The following SLC28A3 variants were observed in gnomAD, a reference collection of about 807,000 sequenced individuals.
SLC28A3 encodes solute carrier family 28 member 3, also known as concentrative Na(+)-nucleoside cotransporter 3.
SLC28A3 carries 68 observed loss-of-function variants against 84.2 expected under a neutral mutation model. The observed-to-expected ratio is 0.81, with a 90% CI of 0.66 to 0.99. The LOEUF is 0.99. Ranked by LOEUF, SLC28A3 falls within the 50% of genes least tolerant of loss-of-function variation. The pLI is 0.00. For missense variants in SLC28A3, 712 were observed against 841.5 expected (o/e 0.85, Z 1.90); for synonymous variants, 267 against 303.6 (o/e 0.88, Z 1.25).
chr9:84,368,666 C>T, the SLC28A3 span, among the ~76,000 whole-genome samples: 1 of 152,012 alleles, frequency 6.6e-6, no homozygotes, highest in Admixed American at 6.6e-5. Context: ...ATCCAAGATG[C>T]AAGACAAAGT....
At chr9:84,345,237 CAA>C (rs386415324), upstream of SLC28A3, among the ~76,000 whole-genome samples, 2 of 138,662 alleles carry the variant, frequency 1.4e-5, no homozygotes, top group Admixed American at 7.3e-5. Flanking sequence ...TTACCAAAGG[CAA>C]AAAAAAAAAA....
chr9:84,351,558 C>A, the SLC28A3 span, among the ~76,000 whole-genome samples: 4 of 151,786 alleles, frequency 2.6e-5, no homozygotes, highest in Non-Finnish European at 4.4e-5. Context: ...ACTCAGGAGG[C>A]TGAAGTGAGA....
chr9:84,358,885 C>T, the SLC28A3 span, among the ~76,000 whole-genome samples: 1 of 152,176 alleles, frequency 6.6e-6, no homozygotes, highest in African/African-American at 2.4e-5. Flanking sequence ...TCACTGCAAC[C>T]TCTGCCGCCC....
the SLC28A3 span, among the ~76,000 whole-genome samples, chr9:84,347,881 G>T: frequency 6.6e-6 from 1 of 152,166 alleles, no homozygotes; most frequent in Admixed American, 6.6e-5. Flanking sequence ...CACAAAGGAA[G>T]AAAACTGAAA....
At chr9:84,312,600 G>A (rs1229177656) in intron 2 of SLC28A3, among the ~76,000 whole-genome samples, 3 of 148,304 alleles carry the variant, frequency 2.0e-5, no homozygotes, top group Non-Finnish European at 3.0e-5. Context: ...GTACAGTGGT[G>A]CCATCTCGGC....
chr9:84,298,990 T>G (rs534687184), intron 6 of SLC28A3, among the ~76,000 whole-genome samples: 1 of 152,186 alleles, frequency 6.6e-6, no homozygotes, highest in African/African-American at 2.4e-5. Flanking sequence ...TTAGTTGAAC[T>G]TGGTCTCTGA....
At chr9:84,301,033 C>T (rs147196513) in intron 5 of SLC28A3, among the ~76,000 whole-genome samples, 49 of 152,054 alleles carry the variant, frequency 3.2e-4, no homozygotes, top group African/African-American at 1.0e-3. Context: ...TATACACCTA[C>T]GACATACCCA....
chr9:84,303,838 C>G (rs533114634), intron 4 of SLC28A3, among the ~76,000 whole-genome samples: 8 of 152,314 alleles, frequency 5.3e-5, no homozygotes, highest in Non-Finnish European at 1.0e-4. Flanking sequence ...TAAAGAGGCA[C>G]AAATCTCAAT....
chr9:84,297,422 A>T, intron 7 of SLC28A3, 124 bp from the exon 8 acceptor site: 1 of 708,628 alleles, frequency 1.4e-6, no homozygotes, highest in Non-Finnish European at 2.3e-6. Context: ...TTGGAAAGTT[A>T]ATGTTCTCAG....
chr9:84,290,030 T>G, intron 11 of SLC28A3, 124 bp downstream of exon 11: 1 of 1,329,652 alleles, frequency 7.5e-7, no homozygotes, highest in Non-Finnish European at 1.0e-6. Context: ...TGACCAACTT[T>G]TGCCATATGG....
At chr9:84,338,205 C>A (rs917938471) in intron 1 of SLC28A3, among the ~76,000 whole-genome samples, 1 of 152,212 alleles carries the variant, frequency 6.6e-6, no homozygotes, top group Non-Finnish European at 1.5e-5. Context: ...TAGCACAATT[C>A]ACAGACTAGG....
intron 1 of SLC28A3, among the ~76,000 whole-genome samples, chr9:84,314,849 T>C (rs4877843): frequency 0.21 from 31,316 of 152,122 alleles, 3,424 homozygotes; most frequent in African/African-American, 0.28. Context: ...GAGGCCAAGG[T>C]GGGCGGATCA....
At chr9:84,346,080 A>C in the SLC28A3 span, among the ~76,000 whole-genome samples, 1 of 152,248 alleles carries the variant, frequency 6.6e-6, no homozygotes, top group Non-Finnish European at 1.5e-5. Context: ...TTAACTCCTC[A>C]GAATTATTTT....
At chr9:84,333,966 A>G (rs1472449072) in intron 1 of SLC28A3, among the ~76,000 whole-genome samples, 1 of 152,268 alleles carries the variant, frequency 6.6e-6, no homozygotes, top group Non-Finnish European at 1.5e-5. Flanking sequence ...CCTGTGCATT[A>G]TGAAATGGGA....
intron 5 of SLC28A3, among the ~76,000 whole-genome samples, 200 bp downstream of exon 5, chr9:84,302,000 C>T (rs1825651298): frequency 6.6e-6 from 1 of 152,156 alleles, no homozygotes; most frequent in Non-Finnish European, 1.5e-5. Context: ...CATTTGGATA[C>T]ATTTCAAATG....
At chr9:84,306,832 C>T (rs942251409) in intron 3 of SLC28A3, among the ~76,000 whole-genome samples, 34 of 151,742 alleles carry the variant, frequency 2.2e-4, no homozygotes, top group Non-Finnish European at 7.4e-5. Context: ...GATGCATTAG[C>T]GGGTTATGAA....
the SLC28A3 span, among the ~76,000 whole-genome samples, chr9:84,347,557 C>A: frequency 6.6e-6 from 1 of 152,084 alleles, no homozygotes; most frequent in South Asian, 2.1e-4. Context: ...AAACCACAAG[C>A]AAAGTATATG....
Position 84,294,184 on chromosome 9 carries a change from AG to A in SLC28A3, c.942+10del, listed in dbSNP as rs763609474. On this transcript the variant is annotated intron_variant, in intron 9 of 17. Coordinates refer to ENST00000376238, the MANE Select transcript of SLC28A3 (RefSeq NM_001199633.2). ...CTACACCTATAACCCAGTCCCTCCCAGCCCCAGTACCTTTCTAATAATCCAC... is the reference window on the plus strand; with the variant it reads ...CTACACCTATAACCCAGTCCCTCCCACCCCAGTACCTTTCTAATAATCCAC... 4.3e-6 allele frequency: 7 copies of A among 1,613,452 alleles called. No individual in the cohort carries two copies. The South Asian group carries it at 7.7e-5, about 18-fold the overall frequency.
chr9:84,300,521 C>A (rs536598736), intron 5 of SLC28A3, among the ~76,000 whole-genome samples: 1 of 152,338 alleles, frequency 6.6e-6, no homozygotes, highest in Admixed American at 6.5e-5. Flanking sequence ...AAATCTGACT[C>A]AGGACTCACG....
Sources: allele counts gnomAD v4.1 joint callset (sites outside exome capture counted in the v4.1 genomes callset), GRCh38; gene constraint gnomAD v4.1.1; transcripts MANE v1.5; gene names NCBI Gene and HGNC (gene_info 2026-07-23, HGNC 2026-07-21).